Variants in TMLHE observed in about 807,000 individuals in gnomAD.
The protein encoded by TMLHE is trimethyllysine dioxygenase, mitochondrial.
In TMLHE, 18 loss-of-function variants were observed where a neutral mutation model predicts 25.7. That is an observed-to-expected ratio of 0.70 (90% CI 0.48 to 1.04). TMLHE has a LOEUF of 1.04. Ranked by LOEUF, TMLHE falls within the 50% of genes least tolerant of loss-of-function variation. TMLHE has a pLI of 0.00. For missense variants in TMLHE, 236 were observed against 259.0 expected, an observed-to-expected ratio of 0.91 and a Z score of 0.61; for synonymous variants, 105 against 97.0, an observed-to-expected ratio of 1.08 and a Z score of -0.49.
chrX:155,549,090 C>T (rs1171993773), intron 1 of TMLHE, among the ~76,000 whole-genome samples: 18 of 111,320 alleles, frequency 1.6e-4, no homozygotes, highest in Admixed American at 1.4e-3. Flanking sequence ...TATATTCTGA[C>T]CTGGAATGCT....
Position 155,609,765 on chromosome X carries a change from A to G in TMLHE, c.-2+3027T>C, listed in dbSNP as rs1483229452. Among the ~76,000 whole-genome samples the G allele has an allele frequency of 2.7e-5, 3 of 112,316 alleles. No homozygotes were observed. In the Admixed American group the frequency reaches 2.8e-4, roughly 11 times the overall value. ...AAAGAACATATACAAATATCTAACA[A>G]GCAAATAAAAAGATGCTCAATTAGC... On this transcript the variant is annotated intron_variant, in intron 1 of 7. Transcript: ENST00000334398.
chrX:155,548,536 CCAGCCTGACTAACATGGTGAAACCCTGT>C (rs1371972204), intron 1 of TMLHE, among the ~76,000 whole-genome samples: 14 of 106,946 alleles, frequency 1.3e-4, no homozygotes, highest in Admixed American at 3.9e-4. Context: ...CAGTATGAGG[CCAGCCTGACTAACATGGTGAAACCCTGT>C]CTCTACTAAA....
chrX:155,557,073 T>C (rs2067462159), intron 1 of TMLHE, among the ~76,000 whole-genome samples: 1 of 112,048 alleles, frequency 8.9e-6, no homozygotes, highest in Non-Finnish European at 1.9e-5. Flanking sequence ...ACATTTCATA[T>C]TGCTCAAACA....
At chrX:155,567,661 A>T (rs1440364991) in intron 1 of TMLHE, among the ~76,000 whole-genome samples, 1 of 62,213 alleles carries the variant, frequency 1.6e-5, no homozygotes, top group African/African-American at 3.6e-5. Flanking sequence ...AAACTATTGA[A>T]TCTTGAGTAC....
At chrX:155,573,378 G>A (rs1335677329) in intron 1 of TMLHE, among the ~76,000 whole-genome samples, 3 of 56,217 alleles carry the variant, frequency 5.3e-5, no homozygotes, top group Non-Finnish European at 9.3e-5. Context: ...CTTTTACACC[G>A]TTGGTGGGAC....
intron 5 of TMLHE, among the ~76,000 whole-genome samples, chrX:155,510,193 C>T (rs2067098250): frequency 9.1e-6 from 1 of 109,960 alleles, no homozygotes; most frequent in African/African-American, 3.3e-5. Flanking sequence ...TAATAATTAA[C>T]AAAATTAGGA....
chrX:155,522,166 T>C (rs2067191785), intron 3 of TMLHE, among the ~76,000 whole-genome samples: 1 of 112,393 alleles, frequency 8.9e-6, no homozygotes, highest in Admixed American at 9.4e-5. Context: ...TTCTATGGCA[T>C]TTTTTTTCTA....
At chrX:155,518,352 G>C (rs2067170445) in intron 3 of TMLHE, among the ~76,000 whole-genome samples, 1 of 95,380 alleles carries the variant, frequency 1.0e-5, no homozygotes, top group Non-Finnish European at 2.1e-5. Context: ...AACCAGCCTT[G>C]CATCCCAGGG....
chrX:155,549,797 A>C (rs1183562983), intron 1 of TMLHE, among the ~76,000 whole-genome samples: 2 of 109,800 alleles, frequency 1.8e-5, no homozygotes, highest in Non-Finnish European at 3.8e-5. Context: ...TTACATAGGT[A>C]TACAAACCAT....
Position 155,571,212 on chromosome X carries a change from A to G in TMLHE, c.-1-25935T>C, listed in dbSNP as rs1462100171. Among the ~76,000 whole-genome samples, 8 of 57,312 alleles carry G rather than the reference A, an allele frequency of 1.4e-4. 2 individuals carry two copies. The highest frequency in any genetic ancestry group is 2.7e-4 in the Non-Finnish European group (6 of 21,955). 49.8% of individuals were successfully genotyped at this position (57,312 alleles called of 115,157 possible). A position where few individuals can be genotyped will look rare whatever the true frequency, so the allele number is the denominator to read the frequency against. ...CAGAGAATACTACAAACACCTCTAC[A>G]CAAATAAACTAGAAAATCTAGAAGA... On this transcript the variant is annotated intron_variant, in intron 1 of 7. Coordinates refer to ENST00000334398, the MANE Select transcript of TMLHE (RefSeq NM_018196.4).
intron 1 of TMLHE, among the ~76,000 whole-genome samples, chrX:155,583,896 C>A (rs1286032156): frequency 9.0e-6 from 1 of 111,060 alleles, no homozygotes; most frequent in East Asian, 2.8e-4. Context: ...TCCCAGACTT[C>A]ATTACTAGGC....
intron 5 of TMLHE, among the ~76,000 whole-genome samples, 157 bp from the exon 6 acceptor site, chrX:155,507,291 G>A (rs2067082002): frequency 9.1e-6 from 1 of 110,179 alleles, no homozygotes. Context: ...CTCATAGGCA[G>A]TTGTACTTTT....
intron 2 of TMLHE, among the ~76,000 whole-genome samples, chrX:155,526,210 C>T (rs1489194038): frequency 1.8e-5 from 2 of 113,009 alleles, no homozygotes; most frequent in African/African-American, 6.4e-5. Context: ...AGGCCCAGGG[C>T]CCTACTGCTC....
chrX:155,581,783 A>G (rs1557344581), intron 1 of TMLHE, among the ~76,000 whole-genome samples: 1 of 112,151 alleles, frequency 8.9e-6, no homozygotes. Context: ...CATCCCCATC[A>G]AGCTACCAAT....
intron 2 of TMLHE, among the ~76,000 whole-genome samples, chrX:155,528,496 C>T (rs2067232287): frequency 9.1e-6 from 1 of 110,046 alleles, no homozygotes; most frequent in South Asian, 3.9e-4. Flanking sequence ...TTCCCTCTCC[C>T]CTTCTGAGTC....
intron 1 of TMLHE, among the ~76,000 whole-genome samples, chrX:155,597,891 CAA>C (rs34480066): frequency 1.2e-5 from 1 of 83,873 alleles, no homozygotes. Flanking sequence ...AAATCCTTTT[CAA>C]AAAAAAAAAA....
chrX:155,548,250 C>A (rs1400336029), intron 1 of TMLHE, among the ~76,000 whole-genome samples: 1 of 111,347 alleles, frequency 9.0e-6, no homozygotes, highest in Non-Finnish European at 1.9e-5. Context: ...CAAATGGGAT[C>A]ACATCAAATT....
chrX:155,580,250 C>T (rs183553966), intron 1 of TMLHE, among the ~76,000 whole-genome samples: 170 of 111,687 alleles, frequency 1.5e-3, no homozygotes, highest in African/African-American at 5.4e-3. Flanking sequence ...TGCTCAGCAT[C>T]ACTAATCACT....
chrX:155,550,121 A>G (rs2067404836), intron 1 of TMLHE, among the ~76,000 whole-genome samples: 1 of 110,526 alleles, frequency 9.0e-6, no homozygotes, highest in Admixed American at 9.6e-5. Context: ...TCCAGTCTCA[A>G]ATTGATGGGC....
Sources: allele counts gnomAD v4.1 joint callset (sites outside exome capture counted in the v4.1 genomes callset), GRCh38; gene constraint gnomAD v4.1.1; transcripts MANE v1.5; gene names NCBI Gene and HGNC (gene_info 2026-07-23, HGNC 2026-07-21).